The following KLHL22 variants were observed in gnomAD, a reference collection of about 807,000 sequenced individuals.
KLHL22 encodes kelch like family member 22, also known as kelch-like protein 22.
A neutral mutation model predicts 60.7 loss-of-function variants in KLHL22; 18 were observed. The ratio of observed to expected loss-of-function variants is 0.30; its 90% CI spans 0.20 to 0.44. The LOEUF (loss-of-function observed/expected upper bound fraction) is 0.44, where lower values mean the gene tolerates loss of function less well. Among genes scored for constraint, KLHL22 ranks in the 20% least tolerant of loss-of-function variants. KLHL22 has a pLI of 1.00. For missense variants in KLHL22, 596 were observed against 852.3 expected, an observed-to-expected ratio of 0.70 and a Z score of 3.74; for synonymous variants, 355 against 354.5, an observed-to-expected ratio of 1.00 and a Z score of -0.01.
intron 5 of KLHL22, among the ~76,000 whole-genome samples, chr22:20,455,981 A>G (rs1037767809): frequency 6.6e-5 from 10 of 152,162 alleles, no homozygotes; most frequent in South Asian, 2.1e-4. Context: ...ATGTACCTTC[A>G]CTTTTGCAAT....
chr22:20,451,679 G>A, intron 5 of KLHL22: 1 of 1,604,850 alleles, frequency 6.2e-7, no homozygotes, highest in Non-Finnish European at 8.5e-7. Flanking sequence ...CTTCGGGGGA[G>A]ACTCTATGCA....
At chr22:20,488,677 G>GGGCAGGGAGGGGAGGGGAGGGGAGA in intron 2 of KLHL22, 1 of 233,582 alleles carries the variant, frequency 4.3e-6, no homozygotes. Context: ...GGGGAGGAAT[G>GGGCAGGGAGGGGAGGGGAGGGGAGA]GTAAGGGAGG....
chr22:20,460,738 T>G (rs2053141847), intron 4 of KLHL22, among the ~76,000 whole-genome samples: 1 of 152,056 alleles, frequency 6.6e-6, no homozygotes, highest in Admixed American at 6.5e-5. Context: ...GTATCCCTCT[T>G]CTTCTTTATT....
chr22:20,488,292 C>T (rs1286054244), intron 2 of KLHL22, among the ~76,000 whole-genome samples: 1 of 152,206 alleles, frequency 6.6e-6, no homozygotes, highest in Non-Finnish European at 1.5e-5. Context: ...CCTTCTCAGG[C>T]TCATGCCACC....
chr22:20,472,474 T>C (rs2053342852), intron 2 of KLHL22, among the ~76,000 whole-genome samples: 1 of 150,814 alleles, frequency 6.6e-6, no homozygotes, highest in Admixed American at 6.6e-5. Flanking sequence ...GCCTATAATC[T>C]CAGCACTTTG....
At position 20,464,973 on chromosome 22, in the gene KLHL22, C is replaced by G. The variant is rs1306544038; in HGVS notation, c.997G>C (p.Ala333Pro). Residue 333 changes from alanine to proline, a missense_variant, in exon 4 of 7, where the codon GCC becomes CCC. Physicochemically the swap from Ala to Pro is conservative, Grantham distance 27 (BLOSUM62 -1). Transcript: ENST00000328879. Reference protein sequence around the residue: ...PLLGEWKHFTASLAPRMSNQG... With the variant: ...PLLGEWKHFTPSLAPRMSNQG... ...TTGGACATGCGGGGGGCCAGGGAGG[C>G]AGTGAAGTGCTTCCACTCTCCCAGT... 3.1e-6 allele frequency: 5 copies of G among 1,610,480 alleles called. No homozygotes were observed. Among genetic ancestry groups the G allele is most frequent in the Non-Finnish European group, 4.2e-6 (5 of 1,178,212 alleles).
intron 3 of KLHL22, among the ~76,000 whole-genome samples, chr22:20,471,149 C>A (rs1255783163): frequency 1.3e-5 from 2 of 152,322 alleles, no homozygotes; most frequent in South Asian, 2.1e-4. Context: ...AAGGCAGAGG[C>A]CTGGGGTGTC....
At chr22:20,446,862 C>T (rs965795480) in intron 5 of KLHL22, among the ~76,000 whole-genome samples, 186 bp from the exon 6 acceptor site, 1 of 152,222 alleles carries the variant, frequency 6.6e-6, no homozygotes, top group African/African-American at 2.4e-5. Context: ...AGTCATTGAC[C>T]TCTAACCTCT....
rs919373143 is a variant in KLHL22, at chr22:20,495,575, G to C, written c.-34+185C>G. 1.0e-4 allele frequency among the ~76,000 whole-genome samples: 15 copies of C among 150,194 alleles called. No individual in the cohort carries two copies. The highest frequency in any genetic ancestry group is 1.9e-4 in the Non-Finnish European group (13 of 67,270). Reference sequence around the variant, plus strand: ...CGCGCCCGGGGATCCCGCCGGCCGCGTCCCCGCCACGTCAGGCCGCGGGCT... The same window carrying C: ...CGCGCCCGGGGATCCCGCCGGCCGCCTCCCCGCCACGTCAGGCCGCGGGCT... On this transcript the variant is annotated intron_variant, in intron 1 of 6. Transcript: ENST00000328879. The surrounding 1 kb of genome is among the most constrained non-coding windows in gnomAD (Gnocchi z 4.6).
At chr22:20,460,742 C>A (rs926234806) in intron 4 of KLHL22, among the ~76,000 whole-genome samples, 2 of 148,354 alleles carry the variant, frequency 1.3e-5, no homozygotes, top group African/African-American at 4.9e-5. Context: ...CCCTCTTCTT[C>A]TTTATTGAAT....
intron 4 of KLHL22, among the ~76,000 whole-genome samples, chr22:20,461,130 C>G (rs547486184): frequency 6.6e-6 from 1 of 152,350 alleles, no homozygotes; most frequent in South Asian, 2.1e-4. Context: ...GTCACTCCAT[C>G]TATAGTATTT....
chr22:20,483,346 G>A (rs1005499809), intron 2 of KLHL22: 1 of 738,014 alleles, frequency 1.4e-6, no homozygotes, highest in African/African-American at 1.7e-5. Flanking sequence ...ATCATATTGA[G>A]CCTGGATGTC....
chr22:20,494,728 T>C (rs2053743279), intron 1 of KLHL22, among the ~76,000 whole-genome samples: 1 of 152,208 alleles, frequency 6.6e-6, no homozygotes, highest in African/African-American at 2.4e-5. Flanking sequence ...CCCCGTTTTG[T>C]ACTGTTCGAA....
chr22:20,471,967 C>T (rs1306215263), intron 2 of KLHL22, among the ~76,000 whole-genome samples: 1 of 152,198 alleles, frequency 6.6e-6, no homozygotes, highest in East Asian at 1.9e-4. Flanking sequence ...CAGAAGGAGG[C>T]CAGGCACGGT....
At chr22:20,490,041 G>T (rs1461504949) in intron 1 of KLHL22, among the ~76,000 whole-genome samples, 2 of 152,162 alleles carry the variant, frequency 1.3e-5, no homozygotes, top group Non-Finnish European at 2.9e-5. Flanking sequence ...ATGCACTTTT[G>T]CCATGGAGCA....
chr22:20,484,386 C>T (rs2053553952), intron 2 of KLHL22, among the ~76,000 whole-genome samples: 1 of 152,144 alleles, frequency 6.6e-6, no homozygotes, highest in Non-Finnish European at 1.5e-5. Flanking sequence ...CCTCCACCTC[C>T]CAGGCTCAAG....
chr22:20,473,769 G>A (rs2053365003), intron 2 of KLHL22, among the ~76,000 whole-genome samples: 2 of 152,152 alleles, frequency 1.3e-5, no homozygotes, highest in Non-Finnish European at 2.9e-5. Flanking sequence ...CAGCTACTCA[G>A]GAGGCTGAGG....
chr22:20,469,663 C>G (rs5754341), intron 3 of KLHL22, among the ~76,000 whole-genome samples: 4 of 152,154 alleles, frequency 2.6e-5, no homozygotes, highest in African/African-American at 9.7e-5. Flanking sequence ...CACCCAGCAT[C>G]CAGGTCCTAT....
intron 5 of KLHL22, chr22:20,451,596 C>T: frequency 6.3e-7 from 1 of 1,595,902 alleles, no homozygotes; most frequent in Non-Finnish European, 8.6e-7. Flanking sequence ...TTGAAGCATA[C>T]AACATTCGCA....
Sources: gnomAD v4.1 joint callset for allele counts (sites outside exome capture counted in the v4.1 genomes callset) on GRCh38, gnomAD v4.1.1 for gene constraint, Gnocchi (gnomAD v3.1) non-coding constraint, MANE v1.5 for transcripts, NCBI Gene and HGNC (gene_info 2026-07-23, HGNC 2026-07-21) for gene names.